CYP7A1: variants seen among roughly 807,000 people sequenced by gnomAD.
The protein encoded by CYP7A1 is cytochrome P450 7A1.
A neutral mutation model predicts 43.8 loss-of-function variants in CYP7A1; 28 were observed. The observed-to-expected ratio is 0.64, with a 90% CI of 0.47 to 0.88. The LOEUF is 0.88. Ranked by LOEUF, CYP7A1 falls within the 40% of genes least tolerant of loss-of-function variation. The pLI, the probability that CYP7A1 is intolerant of heterozygous loss-of-function variation, is 0.00. For synonymous variants in CYP7A1, 227 were observed against 222.5 expected, an observed-to-expected ratio of 1.02 and a Z score of -0.18; for missense variants, 637 against 611.9, an observed-to-expected ratio of 1.04 and a Z score of -0.43.
At chr8:58,498,984 G>T (rs1317129566) in intron 1 of CYP7A1, among the ~76,000 whole-genome samples, 3 of 152,146 alleles carry the variant, frequency 2.0e-5, no homozygotes, top group Non-Finnish European at 2.9e-5. Context: ...ATTCTATAAG[G>T]ATGGTTTCAG....
Position 58,491,769 on chromosome 8 carries a change from A to T in CYP7A1, c.1221T>A (p.Phe407Leu), listed in dbSNP as rs1470643026. The T allele has an allele frequency of 1.9e-6, 3 of 1,612,760 alleles. No homozygotes were observed. Among genetic ancestry groups the T allele is most frequent in the East Asian group, 2.2e-5 (1 of 44,890 alleles). ...TTTCATCAAGATACCTATCATATTT[A>T]AAAGTCTGCAATAAAAATACAAAGA... Reference protein sequence around the residue: ...DPEIYPDPLTFKYDRYLDENG... With the variant: ...DPEIYPDPLTLKYDRYLDENG... Residue 407 changes from phenylalanine to leucine, a missense_variant, in exon 6 of 6, where the codon TTT becomes TTA. By Grantham distance (22) the Phe-to-Leu change is conservative (BLOSUM62 0). Coordinates refer to ENST00000301645, the MANE Select transcript of CYP7A1 (RefSeq NM_000780.4).
chr8:58,491,310 CTG>C lies in CYP7A1; in HGVS notation c.*163_*164del, dbSNP rs1772989582. On this transcript the variant is annotated 3_prime_UTR_variant, in exon 6 of 6. Transcript: ENST00000301645. ...CAGAGTCTGTGATAGCATCTGGAAACTGTCACCAAAATGTTAAGATTCACAAG... is the reference window on the plus strand; with the variant it reads ...CAGAGTCTGTGATAGCATCTGGAAACTCACCAAAATGTTAAGATTCACAAG... 3.0e-6 allele frequency: 2 copies of C among 672,438 alleles called. No individual in the cohort carries two copies. The highest frequency in any genetic ancestry group is 1.8e-5 in the South Asian group (1 of 55,302). The allele number at this position is 672,438 out of a possible 1,614,324, so 41.7% of individuals were successfully genotyped here. A position where few individuals can be genotyped will look rare whatever the true frequency, so the allele number is the denominator to read the frequency against.
chr8:58,497,722 A>G (rs2129605900), intron 2 of CYP7A1, among the ~76,000 whole-genome samples: 1 of 152,306 alleles, frequency 6.6e-6, no homozygotes, highest in South Asian at 2.1e-4. Flanking sequence ...CTTAGTCACA[A>G]AGACCAAAGC....
In CYP7A1 at chr8:58,499,921, T is replaced by C. The variant is rs372058087; in HGVS notation, c.80+98A>G. On this transcript the variant is annotated intron_variant, in intron 1 of 5. Transcript: ENST00000301645. Reference sequence around the variant, plus strand: ...AAAAATAAGGAAGATAATGCTAATATGTGTAAGTATAGAAAACCAAATTTA... The same window carrying C: ...AAAAATAAGGAAGATAATGCTAATACGTGTAAGTATAGAAAACCAAATTTA... 1.6e-3 allele frequency: 1,322 copies of C among 830,824 alleles called. 29 individuals carry two copies. The South Asian group carries it at 0.018, about 11-fold the overall frequency. The allele number at this position is 830,824 out of a possible 1,614,324, so 51.5% of individuals were successfully genotyped here.
At position 58,494,500 on chromosome 8, in the gene CYP7A1, AC is replaced by A. The variant is rs1274969838; in HGVS notation, c.1039+5del. 1 of 1,613,828 alleles carries A rather than the reference AC, an allele frequency of 6.2e-7. No individual in the cohort carries two copies. The highest frequency in any genetic ancestry group is 2.2e-5 in the East Asian group (1 of 44,864). ...AAATGAAACTCAACATAACAAGTAT[AC>A]CCACCTAATACTGGCAGGTCATTCA... On this transcript the variant is annotated splice_donor_5th_base_variant and intron_variant, in intron 4 of 5. Coordinates refer to ENST00000301645, the MANE Select transcript of CYP7A1 (RefSeq NM_000780.4).
In CYP7A1 at chr8:58,498,977, C is replaced by A. The variant is rs576353328; in HGVS notation, c.81-508G>T. Among the ~76,000 whole-genome samples the A allele has an allele frequency of 2.6e-5, 4 of 152,184 alleles. No individual in the cohort carries two copies. The South Asian group carries it at 8.3e-4, about 32-fold the overall frequency. ...AGTTTAAAGATATCTATATTATATT[C>A]TATAAGGATGGTTTCAGAGAAGAAG... On this transcript the variant is annotated intron_variant, in intron 1 of 5. Coordinates refer to ENST00000301645, the MANE Select transcript of CYP7A1 (RefSeq NM_000780.4).
chr8:58,496,715 G>C lies in CYP7A1; in HGVS notation c.797C>G (p.Thr266Ser). The change falls in exon 3 of 6, where the codon ACT becomes AGT. Residue 266 changes from threonine (T) to serine (S), a missense_variant. By Grantham distance (58) the Thr-to-Ser change is moderately conservative (BLOSUM62 1). Transcript: ENST00000301645. Reference protein sequence around the residue: ...LISLRMFLNDTLSTFDDLEKA... With the variant: ...LISLRMFLNDSLSTFDDLEKA... ...CTCCAGATCATCAAAGGTGGACAAA[G>C]TGTCATTGAGAAACATGCGCAGGCT... The C allele has an allele frequency of 6.2e-7, 1 of 1,614,244 alleles. No individual in the cohort carries two copies. The highest frequency in any genetic ancestry group is 1.1e-5 in the South Asian group (1 of 91,088).
chr8:58,500,158 G>T lies in CYP7A1; in HGVS notation c.-60C>A. 7.4e-7 allele frequency: 1 copy of T among 1,351,968 alleles called. No individual in the cohort carries two copies. The highest frequency in any genetic ancestry group is 1.1e-6 in the Non-Finnish European group (1 of 941,766). 83.7% of individuals were successfully genotyped at this position (1,351,968 alleles called of 1,614,324 possible). ...AATCTCTGATTAGAAAGGGAAGGAT[G>T]CCACTGAAAAGAGACTCAAGCTAGG... is the stretch of plus-strand genomic sequence containing the variant. On this transcript the variant is annotated 5_prime_UTR_variant, in exon 1 of 6. Coordinates refer to ENST00000301645, the MANE Select transcript of CYP7A1 (RefSeq NM_000780.4).
Position 58,491,521 on chromosome 8 carries a change from G to A in CYP7A1, c.1469C>T (p.Pro490Leu), listed in dbSNP as rs148977608. Residue 490 changes from proline to leucine, a missense_variant, in exon 6 of 6, where the codon CCG (proline) becomes CTG (leucine). By Grantham distance (98) the Pro-to-Leu change is moderately conservative. Transcript: ENST00000301645. ...TTTAAATTCAATATCATTCAATGGC[G>A]GCAAAATGCCCAAGCCTGCCCGGGA... ...DQSRAGLGIL[P>L]PLNDIEFKYK... 2.2e-5 allele frequency: 35 copies of A among 1,613,878 alleles called. No homozygotes were observed. The highest frequency in any genetic ancestry group is 4.5e-5 in the East Asian group (2 of 44,898).
At chr8:58,499,896 A>G in intron 1 of CYP7A1, 123 bp downstream of exon 1, 1 of 700,278 alleles carries the variant, frequency 1.4e-6, no homozygotes, top group East Asian at 2.8e-5. Flanking sequence ...TTTTCATTTA[A>G]AAAATAAGGA....
chr8:58,491,759 T>C lies in CYP7A1; in HGVS notation c.1231A>G (p.Arg411Gly). The C allele has an allele frequency of 6.2e-7, 1 of 1,613,290 alleles. No homozygotes were observed. The highest frequency in any genetic ancestry group is 8.5e-7 in the Non-Finnish European group (1 of 1,179,302). The change falls in exon 6 of 6, where the codon AGG (arginine) becomes GGG (glycine). Residue 411 changes from arginine (R) to glycine (G), a missense_variant. Coordinates refer to ENST00000301645, the MANE Select transcript of CYP7A1 (RefSeq NM_000780.4). ...GTCTTCCCGTTTTCATCAAGATACCTATCATATTTAAAAGTCTGCAATAAA... is the reference window on the plus strand; with the variant it reads ...GTCTTCCCGTTTTCATCAAGATACCCATCATATTTAAAAGTCTGCAATAAA... ...YPDPLTFKYD[R>G]YLDENGKTKT...
intron 2 of CYP7A1, 70 bp downstream of exon 2, chr8:58,498,159 T>C (rs1809476518): frequency 3.8e-6 from 6 of 1,575,118 alleles, no homozygotes; most frequent in African/African-American, 1.4e-5. Context: ...TACATCAAAA[T>C]TTCTAAATAG....
In CYP7A1 at chr8:58,494,643, A is replaced by C; in HGVS notation, c.909-7T>G. On this transcript the variant is annotated splice_polypyrimidine_tract_variant and splice_region_variant and intron_variant, in intron 3 of 5. Transcript: ENST00000301645. ...TTTCATTGCTTCTGGGTTCCTATTAAAAGGTAAGAGAAAACATGTATGTAC... is the reference window on the plus strand; with the variant it reads ...TTTCATTGCTTCTGGGTTCCTATTACAAGGTAAGAGAAAACATGTATGTAC... 4 of 1,613,610 alleles carry C rather than the reference A, an allele frequency of 2.5e-6. No homozygotes were observed. The highest frequency in any genetic ancestry group is 3.4e-6 in the Non-Finnish European group (4 of 1,179,804).
chr8:58,496,372 C>T (rs968466353), intron 3 of CYP7A1, among the ~76,000 whole-genome samples: 2 of 152,204 alleles, frequency 1.3e-5, no homozygotes, highest in African/African-American at 4.8e-5. Flanking sequence ...GGTGACATCT[C>T]TTTCTCTGGG....
At position 58,497,057 on chromosome 8, in the gene CYP7A1, A is replaced by G. The variant is rs1184707982; in HGVS notation, c.455T>C (p.Ile152Thr). ...GTTAGAGGAGACTGGAGGTCTCATG[A>G]TACGTTGGAGGTTTTCCATCATGCT... Reference protein sequence around the residue: ...TESMMENLQRIMRPPVSSNSK... With the variant: ...TESMMENLQRTMRPPVSSNSK... The change falls in exon 3 of 6, where the codon ATC becomes ACC. Residue 152 changes from isoleucine (I) to threonine (T), a missense_variant. Transcript: ENST00000301645. 1 of 1,605,530 alleles carries G rather than the reference A, an allele frequency of 6.2e-7. No individual in the cohort carries two copies. The highest frequency in any genetic ancestry group is 8.5e-7 in the Non-Finnish European group (1 of 1,179,970).
intron 4 of CYP7A1, among the ~76,000 whole-genome samples, chr8:58,494,114 G>C (rs1195422790): frequency 6.6e-6 from 1 of 152,146 alleles, no homozygotes; most frequent in Non-Finnish European, 1.5e-5. Flanking sequence ...AATCCATGCA[G>C]GTAACTGTGG....
At position 58,490,821 on chromosome 8, in the gene CYP7A1, C is replaced by G. The variant is rs911261784; in HGVS notation, c.*654G>C. ...ATTTCCTTTTTATTAAAAGACATAA[C>G]TAATCATAATCATTTGAAATATCCT... On this transcript the variant is annotated 3_prime_UTR_variant, in exon 6 of 6. Coordinates refer to ENST00000301645, the MANE Select transcript of CYP7A1 (RefSeq NM_000780.4). 7 of 152,176 alleles carry G rather than the reference C, an allele frequency of 4.6e-5. No homozygotes were observed. The highest frequency in any genetic ancestry group is 1.7e-4 in the African/African-American group (7 of 41,448). 9.4% of individuals were successfully genotyped at this position (152,176 alleles called of 1,614,324 possible). A position where few individuals can be genotyped will look rare whatever the true frequency, so the allele number is the denominator to read the frequency against.
At chr8:58,494,424 G>GCC in intron 4 of CYP7A1, 82 bp downstream of exon 4, 1 of 1,449,394 alleles carries the variant, frequency 6.9e-7, no homozygotes, top group Non-Finnish European at 9.7e-7. Context: ...CTAGAATTCG[G>GCC]TAAGTATATA....
intron 4 of CYP7A1, among the ~76,000 whole-genome samples, chr8:58,493,929 G>A (rs148882930): frequency 0.014 from 2,068 of 152,228 alleles, 45 homozygotes; most frequent in African/African-American, 0.047. Flanking sequence ...GAACCCAGGA[G>A]GCAGAGGTTG....
Sources: allele counts gnomAD v4.1 joint callset (sites outside exome capture counted in the v4.1 genomes callset), GRCh38; gene constraint gnomAD v4.1.1; transcripts MANE v1.5; gene names NCBI Gene and HGNC (gene_info 2026-07-23, HGNC 2026-07-21).